Variants in HIGD1C observed in about 807,000 individuals in gnomAD.
The protein encoded by HIGD1C is HIG1 domain family member 1C.
In HIGD1C, 11 loss-of-function variants were observed where a neutral mutation model predicts 13.1. The observed-to-expected ratio is 0.84, with a 90% CI of 0.53 to 1.39. HIGD1C has a LOEUF of 1.39. HIGD1C is among the 40% of genes most tolerant of loss of function. HIGD1C has a pLI of 0.00. For synonymous variants in HIGD1C, 36 were observed against 37.7 expected (o/e 0.95, Z 0.17); for missense variants, 110 against 112.0 (o/e 0.98, Z 0.08).
chr12:50,957,366 T>C (rs560986868), intron 1 of HIGD1C, among the ~76,000 whole-genome samples: 51 of 151,762 alleles, frequency 3.4e-4, no homozygotes, highest in Non-Finnish European at 5.9e-4. Flanking sequence ...ACCTGGCTAA[T>C]TTTTGTATTT....
At chr12:50,949,727 T>TA (rs1473050912), upstream of HIGD1C, among the ~76,000 whole-genome samples, 5 of 151,822 alleles carry the variant, frequency 3.3e-5, no homozygotes, top group Non-Finnish European at 7.4e-5. Context: ...AGAGACAGGG[T>TA]TTCACCATGT....
the HIGD1C span, among the ~76,000 whole-genome samples, chr12:50,936,199 T>G: frequency 1.3e-5 from 2 of 152,046 alleles, no homozygotes; most frequent in African/African-American, 4.8e-5. Context: ...GATGTCAATC[T>G]TCTCTTTGGA....
chr12:50,937,844 T>C, the HIGD1C span, among the ~76,000 whole-genome samples: 2 of 151,860 alleles, frequency 1.3e-5, no homozygotes, highest in Non-Finnish European at 2.9e-5. Flanking sequence ...TCTCATTGAG[T>C]GTGTGAGTCT....
intron 2 of HIGD1C, among the ~76,000 whole-genome samples, chr12:50,970,008 C>T (rs1939705395): frequency 6.6e-6 from 1 of 152,136 alleles, no homozygotes; most frequent in Non-Finnish European, 1.5e-5. Flanking sequence ...TATCATCCGC[C>T]TAAACTCACA....
chr12:50,966,442 C>T (rs1336407429), intron 2 of HIGD1C, among the ~76,000 whole-genome samples: 1 of 152,174 alleles, frequency 6.6e-6, no homozygotes, highest in East Asian at 1.9e-4. Flanking sequence ...AGGATTGTCC[C>T]ATGCATTGCA....
intron 2 of HIGD1C, among the ~76,000 whole-genome samples, chr12:50,968,886 C>T (rs955342448): frequency 1.3e-5 from 2 of 148,282 alleles, no homozygotes; most frequent in Non-Finnish European, 3.0e-5. Context: ...GCTATTTTGA[C>T]TAGGCTGGTC....
At chr12:50,944,455 A>G in the HIGD1C span, among the ~76,000 whole-genome samples, 1 of 152,234 alleles carries the variant, frequency 6.6e-6, no homozygotes, top group African/African-American at 2.4e-5. Flanking sequence ...TGGGAGTTCA[A>G]GATCAGCCTA....
upstream of HIGD1C, among the ~76,000 whole-genome samples, chr12:50,950,590 C>T (rs1018416366): frequency 5.3e-5 from 8 of 152,066 alleles, no homozygotes; most frequent in East Asian, 1.5e-3. Context: ...GCAACCTCCA[C>T]CTCCTGAGTT....
chr12:50,966,205 A>G lies in HIGD1C; in HGVS notation c.230-4237A>G, dbSNP rs117551081. 2.6e-5 allele frequency among the ~76,000 whole-genome samples: 4 copies of G among 152,314 alleles called. No individual in the cohort carries two copies. The East Asian group carries it at 7.7e-4, about 29-fold the overall frequency. ...CATCCCCATTGAATTTAGGGAGCCCAGCAGTTTGCACTGTCATTTCTGGCA... is the reference window on the plus strand; with the variant it reads ...CATCCCCATTGAATTTAGGGAGCCCGGCAGTTTGCACTGTCATTTCTGGCA... On this transcript the variant is annotated intron_variant, in intron 2 of 2. Transcript: ENST00000398455.
At chr12:50,940,369 C>A in the HIGD1C span, among the ~76,000 whole-genome samples, 1 of 152,122 alleles carries the variant, frequency 6.6e-6, no homozygotes. Context: ...GGAAGAGCTT[C>A]TTTGATCTTA....
At chr12:50,952,194 TAATAA>T (rs890020426), upstream of HIGD1C, among the ~76,000 whole-genome samples, 2 of 151,566 alleles carry the variant, frequency 1.3e-5, no homozygotes, top group African/African-American at 4.8e-5. Flanking sequence ...TATGGTTATA[TAATAA>T]AAGAATGCCC....
the HIGD1C span, among the ~76,000 whole-genome samples, chr12:50,933,916 G>A: frequency 1.3e-5 from 2 of 152,122 alleles, no homozygotes; most frequent in African/African-American, 2.4e-5. Context: ...CATGCCTCCC[G>A]GCATCACCTC....
At chr12:50,937,510 T>C in the HIGD1C span, among the ~76,000 whole-genome samples, 1 of 152,206 alleles carries the variant, frequency 6.6e-6, no homozygotes, top group Admixed American at 6.5e-5. Context: ...TTTTCTTTCC[T>C]TCTCATCGCC....
intron 1 of HIGD1C, among the ~76,000 whole-genome samples, chr12:50,957,937 G>GGTGTGTGTGT (rs71089717): frequency 0.042 from 5,602 of 132,308 alleles, 194 homozygotes; most frequent in African/African-American, 0.046. Context: ...ATGAATTGGA[G>GGTGTGTGTGT]GTGTGTGTGT....
At chr12:50,947,997 T>C in the HIGD1C span, among the ~76,000 whole-genome samples, 3 of 152,188 alleles carry the variant, frequency 2.0e-5, no homozygotes, top group Admixed American at 6.5e-5. Flanking sequence ...GGCAGAATAG[T>C]TGCAGGAAGA....
chr12:50,970,598 A>G, downstream of HIGD1C: 1 of 742,354 alleles, frequency 1.3e-6, no homozygotes, highest in South Asian at 1.6e-5. Flanking sequence ...ATTTTACTAC[A>G]CAAGTGTCAC....
the HIGD1C span, among the ~76,000 whole-genome samples, chr12:50,937,724 G>A: frequency 4.7e-4 from 72 of 152,272 alleles, no homozygotes; most frequent in African/African-American, 1.7e-3. Context: ...ACAGCTCTCA[G>A]GAGACCTGAA....
chr12:50,957,331 T>G (rs1939135621), intron 1 of HIGD1C, among the ~76,000 whole-genome samples: 2 of 151,742 alleles, frequency 1.3e-5, no homozygotes, highest in South Asian at 4.2e-4. Flanking sequence ...GTGCTTCAGC[T>G]TCCTGAGTAA....
downstream of HIGD1C, among the ~76,000 whole-genome samples, chr12:50,972,234 T>C (rs1365561557): frequency 6.6e-6 from 1 of 152,172 alleles, no homozygotes; most frequent in African/African-American, 2.4e-5. Flanking sequence ...TAAAAATAGA[T>C]TAAGAGTTTA....
Sources: gnomAD v4.1 joint callset for allele counts (sites outside exome capture counted in the v4.1 genomes callset) on GRCh38, gnomAD v4.1.1 for gene constraint, MANE v1.5 for transcripts, NCBI Gene and HGNC (gene_info 2026-07-23, HGNC 2026-07-21) for gene names.